IL5RA: variants seen among roughly 807,000 people sequenced by gnomAD.
IL5RA encodes interleukin-5 receptor subunit alpha.
In IL5RA, 49 loss-of-function variants were observed where a neutral mutation model predicts 50.0. That is an observed-to-expected ratio of 0.98 (90% CI 0.78 to 1.24). The LOEUF (loss-of-function observed/expected upper bound fraction) is 1.24, where lower values mean the gene tolerates loss of function less well. IL5RA is among the 50% of genes most tolerant of loss of function. The pLI is 0.00. For synonymous variants in IL5RA, 202 were observed against 174.0 expected, an observed-to-expected ratio of 1.16 and a Z score of -1.26; for missense variants, 600 against 500.4, an observed-to-expected ratio of 1.20 and a Z score of -1.90.
chr3:3,074,561 G>A (rs1702412554), intron 11 of IL5RA, among the ~76,000 whole-genome samples: 1 of 152,082 alleles, frequency 6.6e-6, no homozygotes, highest in Non-Finnish European at 1.5e-5. Flanking sequence ...TTAGACCCAG[G>A]TGTTTGAGAC....
chr3:3,095,719 C>G (rs954748717), intron 7 of IL5RA, among the ~76,000 whole-genome samples: 7 of 151,866 alleles, frequency 4.6e-5, no homozygotes, highest in Non-Finnish European at 7.4e-5. Context: ...ACTTCCCCCC[C>G]TCAGCTCATT....
rs918760823 is a variant in IL5RA at position 3,097,794 on chromosome 3, G to C, written c.709+76C>G. The C allele has an allele frequency of 2.7e-6, 4 of 1,462,778 alleles. No individual in the cohort carries two copies. In the South Asian group the frequency reaches 5.3e-5, roughly 19 times the overall value. The allele number at this position is 1,462,778 out of a possible 1,614,324, so 90.6% of individuals were successfully genotyped here. A position where few individuals can be genotyped will look rare whatever the true frequency, so the allele number is the denominator to read the frequency against. ...CATCAGAGAAGCAGTAAAACTAGGT[G>C]ATCTTTATAACCCTTCCTTCCAGTG... On this transcript the variant is annotated intron_variant, in intron 7 of 11. Coordinates refer to ENST00000446632, the MANE Select transcript of IL5RA (RefSeq NM_175726.4).
chr3:3,102,681 T>A lies in IL5RA; in HGVS notation c.222A>T (p.Glu74Asp). ...CATTAGAATAAACACTTACGTCATC[T>A]TCTTTTGGAGCGTTTATTTTCACTT... ...EYQVKINAPK[E>D]DDYETRITES... The change falls in exon 4 of 12, where the codon GAA becomes GAT. Residue 74 changes from glutamate (E) to aspartate (D), a missense_variant. Transcript: ENST00000446632. 6.3e-7 allele frequency: 1 copy of A among 1,588,514 alleles called. No individual in the cohort carries two copies. Among genetic ancestry groups the A allele is most frequent in the Non-Finnish European group, 8.6e-7 (1 of 1,163,616 alleles).
chr3:3,076,649 A>T, intron 9 of IL5RA, 22 bp from the exon 10 acceptor site: 2 of 1,486,578 alleles, frequency 1.3e-6, no homozygotes, highest in Non-Finnish European at 1.9e-6. Context: ...CAAAAAAGAA[A>T]CAAAAAAATA....
At chr3:3,091,711 G>A (rs556257514) in intron 9 of IL5RA, 322 of 152,978 alleles carry the variant, frequency 2.1e-3, no homozygotes, top group Non-Finnish European at 2.5e-3. Flanking sequence ...CAGCCAGGGC[G>A]ACAGAGCAAG....
chr3:3,085,317 C>A lies in IL5RA; in HGVS notation c.994+6907G>T, dbSNP rs1005238197. 2.0e-5 allele frequency among the ~76,000 whole-genome samples: 3 copies of A among 152,150 alleles called. No homozygotes were observed. The East Asian group carries it at 5.8e-4, about 29-fold the overall frequency. On this transcript the variant is annotated intron_variant, in intron 9 of 11. Transcript: ENST00000446632. ...TAGACCCAGTGGCTCCCATCTGTAA[C>A]CTCAAAAGAGTTTTGCAAGATTATT...
intron 9 of IL5RA, among the ~76,000 whole-genome samples, chr3:3,088,973 G>A (rs1020273100): frequency 6.6e-6 from 1 of 152,132 alleles, no homozygotes; most frequent in Non-Finnish European, 1.5e-5. Flanking sequence ...AATGCTTCTC[G>A]TATTTGTTTC....
In IL5RA at chr3:3,102,683, C is replaced by G. The variant is rs1703712997; in HGVS notation, c.220G>C (p.Glu74Gln). The G allele has an allele frequency of 6.3e-7, 1 of 1,592,282 alleles. No homozygotes were observed. Among genetic ancestry groups the G allele is most frequent in the African/African-American group, 1.4e-5 (1 of 73,960 alleles). ...EYQVKINAPK[E>Q]DDYETRITES... ...TTAGAATAAACACTTACGTCATCTT[C>G]TTTTGGAGCGTTTATTTTCACTTGA... Residue 74 changes from glutamate (E) to glutamine (Q), a missense_variant, in exon 4 of 12, where the codon GAA becomes CAA. Glu to Gln is a conservative substitution (Grantham distance 29, BLOSUM62 2). Coordinates refer to ENST00000446632, the MANE Select transcript of IL5RA (RefSeq NM_175726.4).
rs2125980215 is a variant in IL5RA, at chr3:3,097,973, A to G, written c.606T>C (p.Phe202=). 6.2e-7 allele frequency: 1 copy of G among 1,614,230 alleles called. No homozygotes were observed. The highest frequency in any genetic ancestry group is 8.5e-7 in the Non-Finnish European group (1 of 1,180,036). Residue 202 remains phenylalanine (F), a synonymous_variant, in exon 7 of 12, where the codon TTT becomes TTC. Transcript: ENST00000446632. ...RNIACWFPRT[F]ILSKGRDWLA... is the part of the protein sequence containing the mutation. ...GCCAGTCACGCCCTTTGCTGAGGAT[A>G]AAAGTCCTGGGAAACCAGCATGCGA...
At chr3:3,100,917 C>A (rs764396059) in intron 5 of IL5RA, among the ~76,000 whole-genome samples, 1 of 151,378 alleles carries the variant, frequency 6.6e-6, no homozygotes. Context: ...GAGGCCGAGG[C>A]GGGTGGATGG....
intron 9 of IL5RA, among the ~76,000 whole-genome samples, chr3:3,079,196 T>A (rs1381870206): frequency 6.6e-6 from 1 of 152,222 alleles, no homozygotes; most frequent in Non-Finnish European, 1.5e-5. Flanking sequence ...TTTTATGAAG[T>A]CTTTTCCCAG....
chr3:3,104,666 C>T (rs562333652), intron 3 of IL5RA, among the ~76,000 whole-genome samples: 15 of 152,254 alleles, frequency 9.9e-5, no homozygotes, highest in South Asian at 4.2e-4. Context: ...CCATGGTGCC[C>T]GGACACCCAC....
In IL5RA at chr3:3,097,967, G is replaced by A. The variant is rs760123558; in HGVS notation, c.612C>T (p.Leu204=). ...CCGCAAGCCAGTCACGCCCTTTGCT[G>A]AGGATAAAAGTCCTGGGAAACCAGC... The part of the protein sequence containing the change: ...IACWFPRTFI[L]SKGRDWLAVL... The change falls in exon 7 of 12, where the codon CTC becomes CTT. Residue 204 remains leucine, a synonymous_variant. Transcript: ENST00000446632. The A allele has an allele frequency of 1.2e-6, 2 of 1,614,222 alleles. No homozygotes were observed. Among genetic ancestry groups the A allele is most frequent in the Non-Finnish European group, 1.7e-6 (2 of 1,180,040 alleles).
At chr3:3,071,388 C>T (rs1702291481) in intron 11 of IL5RA, among the ~76,000 whole-genome samples, 1 of 152,204 alleles carries the variant, frequency 6.6e-6, no homozygotes, top group Non-Finnish European at 1.5e-5. Flanking sequence ...CTTTGGGAGG[C>T]TGAAGCAGGC....
chr3:3,087,073 G>A (rs969494504), intron 9 of IL5RA, among the ~76,000 whole-genome samples: 2 of 152,110 alleles, frequency 1.3e-5, no homozygotes, highest in Non-Finnish European at 2.9e-5. Flanking sequence ...AGGGGAGAGG[G>A]TGGGAGGAGC....
intron 9 of IL5RA, among the ~76,000 whole-genome samples, chr3:3,085,474 C>T (rs2125964098): frequency 6.6e-6 from 1 of 152,020 alleles, no homozygotes; most frequent in East Asian, 1.9e-4. Context: ...TCAGGAGAGA[C>T]AGAGAGAAGG....
chr3:3,107,405 C>CAAT lies in IL5RA; in HGVS notation c.-4+1144_-4+1145insATT, dbSNP rs541117959. The stretch of plus-strand genomic sequence containing the variant: ...AAAACAACAACAACAACAGCAACAA[C>CAAT]AAATCTCTTCAGGCCATTTCTTTAA... On this transcript the variant is annotated intron_variant, in intron 2 of 11. Transcript: ENST00000446632. Among the ~76,000 whole-genome samples, 571 of 151,760 alleles carry CAAT rather than the reference C, an allele frequency of 3.8e-3. 2 individuals carry two copies. Among genetic ancestry groups the CAAT allele is most frequent in the Non-Finnish European group, 6.4e-3 (434 of 67,878 alleles).
intron 3 of IL5RA, among the ~76,000 whole-genome samples, chr3:3,103,293 C>G (rs1215629501): frequency 3.3e-5 from 5 of 152,176 alleles, no homozygotes; most frequent in African/African-American, 4.8e-5. Flanking sequence ...GTTACTATAT[C>G]ACTATTCACT....
At chr3:3,088,972 C>G (rs1009923935) in intron 9 of IL5RA, among the ~76,000 whole-genome samples, 1 of 152,138 alleles carries the variant, frequency 6.6e-6, no homozygotes, top group Admixed American at 6.5e-5. Flanking sequence ...TAATGCTTCT[C>G]GTATTTGTTT....
Sources: gnomAD v4.1 joint callset for allele counts (sites outside exome capture counted in the v4.1 genomes callset) on GRCh38, gnomAD v4.1.1 for gene constraint, MANE v1.5 for transcripts, NCBI Gene and HGNC (gene_info 2026-07-23, HGNC 2026-07-21) for gene names.